Variants in AUTS2 observed in about 807,000 individuals in gnomAD.
The protein encoded by AUTS2 is activator of transcription and developmental regulator AUTS2.
A neutral mutation model predicts 112.4 loss-of-function variants in AUTS2; 17 were observed. That is an observed-to-expected ratio of 0.15 (90% CI 0.10 to 0.23). The LOEUF (loss-of-function observed/expected upper bound fraction) is 0.23, where lower values mean the gene tolerates loss of function less well. Ranked by LOEUF, AUTS2 falls within the 10% of genes least tolerant of loss-of-function variation. The pLI is 1.00. For missense variants in AUTS2, 1,510 were observed against 1,701.6 expected (o/e 0.89, Z 1.98); for synonymous variants, 751 against 702.7 (o/e 1.07, Z -1.09).
chr7:70,130,128 A>G (rs1368472042), intron 3 of AUTS2, among the ~76,000 whole-genome samples: 1 of 152,160 alleles, frequency 6.6e-6, no homozygotes, highest in Admixed American at 6.6e-5. Flanking sequence ...GAAGGTGGGT[A>G]GCCAGGAATG....
intron 2 of AUTS2, among the ~76,000 whole-genome samples, chr7:70,106,510 A>G (rs1337788269): frequency 6.6e-6 from 1 of 152,200 alleles, no homozygotes; most frequent in Non-Finnish European, 1.5e-5. Context: ...ATTTGAGCCC[A>G]GGAATTCGAG....
At chr7:69,750,472 TTAGTAGTAG>T (rs146638908) in intron 1 of AUTS2, among the ~76,000 whole-genome samples, 2 of 148,030 alleles carry the variant, frequency 1.4e-5, no homozygotes, top group East Asian at 3.9e-4. Flanking sequence ...AAATACTATG[TTAGTAGTAG>T]TAGTAGTAGT....
intron 2 of AUTS2, among the ~76,000 whole-genome samples, chr7:70,004,343 A>G (rs988762412): frequency 1.5e-5 from 2 of 131,050 alleles, no homozygotes. Context: ...ATGAATATAT[A>G]TTCATATATA....
intron 4 of AUTS2, among the ~76,000 whole-genome samples, chr7:70,146,955 G>A (rs1010034406): frequency 6.6e-6 from 1 of 152,158 alleles, no homozygotes; most frequent in South Asian, 2.1e-4. Flanking sequence ...AAATATGCAT[G>A]TGTACATATA....
intron 4 of AUTS2, among the ~76,000 whole-genome samples, chr7:70,285,275 A>G (rs1431902960): frequency 6.6e-6 from 1 of 152,222 alleles, no homozygotes; most frequent in East Asian, 1.9e-4. Flanking sequence ...GTAGTAGAGT[A>G]TATTTCCAAC....
intron 1 of AUTS2, among the ~76,000 whole-genome samples, chr7:69,654,776 A>T (rs1222065061): frequency 6.6e-6 from 1 of 151,710 alleles, no homozygotes; most frequent in Non-Finnish European, 1.5e-5. Context: ...TTTTCAATGA[A>T]CTAAGTGGGG....
chr7:70,398,285 A>G (rs1794174113), intron 4 of AUTS2, among the ~76,000 whole-genome samples: 2 of 152,226 alleles, frequency 1.3e-5, no homozygotes, highest in Admixed American at 6.5e-5. Flanking sequence ...ATATATTTCC[A>G]TATGAATTTT....
At chr7:70,053,807 G>A (rs1801870867) in intron 2 of AUTS2, among the ~76,000 whole-genome samples, 1 of 152,110 alleles carries the variant, frequency 6.6e-6, no homozygotes, top group African/African-American at 2.4e-5. Context: ...CTCCCAAAGT[G>A]CTGTGGGATT....
chr7:69,777,838 G>A (rs1788962222), intron 1 of AUTS2, among the ~76,000 whole-genome samples: 1 of 152,160 alleles, frequency 6.6e-6, no homozygotes, highest in African/African-American at 2.4e-5. Context: ...TGAGGTGGGA[G>A]GGCGTTGGCC....
At chr7:70,661,597 T>G (rs1230113788) in intron 5 of AUTS2, among the ~76,000 whole-genome samples, 1 of 152,218 alleles carries the variant, frequency 6.6e-6, no homozygotes, top group Non-Finnish European at 1.5e-5. Flanking sequence ...TTCCCTTCAG[T>G]GAGAACCAAA....
chr7:70,545,962 T>C (rs1476970581), intron 5 of AUTS2, among the ~76,000 whole-genome samples: 1 of 152,208 alleles, frequency 6.6e-6, no homozygotes, highest in Non-Finnish European at 1.5e-5. Context: ...AACTACTTTG[T>C]TTACTTTCAT....
At chr7:70,617,892 A>G (rs1003342606) in intron 5 of AUTS2, among the ~76,000 whole-genome samples, 2 of 152,194 alleles carry the variant, frequency 1.3e-5, no homozygotes, top group African/African-American at 4.8e-5. Flanking sequence ...ATTTACACAC[A>G]ACAGAAAGAA....
intron 17 of AUTS2, 128 bp from the exon 18 acceptor site, chr7:70,787,081 T>G: frequency 2.3e-6 from 2 of 875,758 alleles, no homozygotes; most frequent in Non-Finnish European, 3.8e-6. Flanking sequence ...CCTTTCCTTT[T>G]CCAGCTCCCA....
intron 3 of AUTS2, among the ~76,000 whole-genome samples, chr7:70,128,558 CAACA>C (rs1806100254): frequency 6.6e-6 from 1 of 152,100 alleles, no homozygotes; most frequent in Non-Finnish European, 1.5e-5. Flanking sequence ...GCAACAGGAA[CAACA>C]AGCTTAGAGG....
At chr7:70,620,372 G>A (rs1334758233) in intron 5 of AUTS2, among the ~76,000 whole-genome samples, 1 of 152,202 alleles carries the variant, frequency 6.6e-6, no homozygotes, top group Non-Finnish European at 1.5e-5. Context: ...CTCCAGCGGA[G>A]CGTGTAGCCG....
chr7:70,775,060 G>A (rs1790600043), intron 12 of AUTS2: 1 of 419,112 alleles, frequency 2.4e-6, no homozygotes, highest in African/African-American at 2.1e-5. Context: ...GCTCAAAACA[G>A]TGAAACTCCT....
At chr7:70,663,970 T>C (rs898135326) in intron 5 of AUTS2, among the ~76,000 whole-genome samples, 1 of 152,194 alleles carries the variant, frequency 6.6e-6, no homozygotes, top group African/African-American at 2.4e-5. Context: ...AAAATTGAAC[T>C]CAAATACCCA....
intron 4 of AUTS2, among the ~76,000 whole-genome samples, chr7:70,321,651 T>G (rs1790259689): frequency 6.6e-6 from 1 of 152,216 alleles, no homozygotes; most frequent in African/African-American, 2.4e-5. Flanking sequence ...AGTCATGCAC[T>G]TCTAAGTTAG....
In AUTS2 at chr7:69,882,440, A is replaced by G. The variant is rs80165281; in HGVS notation, c.310-16846A>G. Among the ~76,000 whole-genome samples the G allele has an allele frequency of 1.3e-3, 199 of 152,334 alleles. 4 individuals are homozygous for G. The East Asian group carries it at 0.033, about 25-fold the overall frequency. ...TAACCTGCAACCCCAAGGCAACACT[A>G]TAAGTCCTGGGTCATGCTCAGACCA... On this transcript the variant is annotated intron_variant, in intron 1 of 18. Transcript: ENST00000342771.
Sources: allele counts gnomAD v4.1 joint callset (sites outside exome capture counted in the v4.1 genomes callset), GRCh38; gene constraint gnomAD v4.1.1; transcripts MANE v1.5; gene names NCBI Gene and HGNC (gene_info 2026-07-23, HGNC 2026-07-21).